The following SPIC variants were observed in gnomAD, a reference collection of about 807,000 sequenced individuals.
SPIC encodes Spi-C transcription factor.
SPIC carries 9 observed loss-of-function variants against 16.7 expected under a neutral mutation model. The observed-to-expected ratio is 0.54, with a 90% CI of 0.33 to 0.94. The LOEUF is 0.94. Among genes scored for constraint, SPIC ranks in the 40% least tolerant of loss-of-function variants. SPIC has a pLI of 0.03. For missense variants in SPIC, 241 were observed against 285.8 expected, an observed-to-expected ratio of 0.84 and a Z score of 1.13; for synonymous variants, 97 against 102.9, an observed-to-expected ratio of 0.94 and a Z score of 0.35.
Position 101,476,895 on chromosome 12 carries a change from T to C in SPIC, c.-10T>C. On this transcript the variant is annotated 5_prime_UTR_variant, in exon 2 of 6. Transcript: ENST00000551346. Reference sequence around the variant, plus strand: ...GCTAAGGAACAGAATTGTCAATTTATTAATGAAATATGGTAAGCTGACATT... The same window carrying C: ...GCTAAGGAACAGAATTGTCAATTTACTAATGAAATATGGTAAGCTGACATT... 6.9e-7 allele frequency: 1 copy of C among 1,447,532 alleles called. No homozygotes were observed. Among genetic ancestry groups the C allele is most frequent in the South Asian group, 1.6e-5 (1 of 62,516 alleles). 89.7% of individuals were successfully genotyped at this position (1,447,532 alleles called of 1,614,324 possible).
intron 1 of SPIC, 24 bp downstream of exon 1, chr12:101,475,526 C>G (rs561169694): frequency 1.2e-4 from 19 of 152,158 alleles, no homozygotes; most frequent in African/African-American, 3.6e-4. Flanking sequence ...TTATGTTTTT[C>G]TAAATATCTT....
intron 5 of SPIC, among the ~76,000 whole-genome samples, chr12:101,483,396 A>C (rs367699711): frequency 6.6e-6 from 1 of 152,070 alleles, no homozygotes; most frequent in African/African-American, 2.4e-5. Context: ...GTCATCTCCT[A>C]TGATAACAGC....
intron 4 of SPIC, among the ~76,000 whole-genome samples, chr12:101,481,600 C>T (rs1020694612): frequency 8.7e-5 from 13 of 150,032 alleles, no homozygotes; most frequent in South Asian, 2.1e-4. Context: ...TCCTCCGCCT[C>T]CCAGGTTCAA....
intron 2 of SPIC, among the ~76,000 whole-genome samples, 155 bp downstream of exon 2, chr12:101,477,062 A>G (rs1436716304): frequency 6.6e-6 from 1 of 152,222 alleles, no homozygotes; most frequent in Non-Finnish European, 1.5e-5. Context: ...AAAGCAATTC[A>G]ATTTTAGGTC....
intron 5 of SPIC, among the ~76,000 whole-genome samples, chr12:101,485,819 T>C (rs942149966): frequency 6.6e-6 from 1 of 152,230 alleles, no homozygotes; most frequent in Admixed American, 6.5e-5. Context: ...ATTCTCGCTC[T>C]GTTGCCCAGG....
At chr12:101,479,211 A>AGAAAGAAAGAAAGAAG (rs1873071612) in intron 3 of SPIC, among the ~76,000 whole-genome samples, 1 of 127,096 alleles carries the variant, frequency 7.9e-6, no homozygotes, top group Non-Finnish European at 1.7e-5. Context: ...AAAGAAAGAA[A>AGAAAGAAAGAAAGAAG]GAAAGAAAGA....
chr12:101,479,210 AAGAAAGAAAGAAGG>A (rs1565831079), intron 3 of SPIC, among the ~76,000 whole-genome samples: 20 of 131,214 alleles, frequency 1.5e-4, no homozygotes, highest in African/African-American at 5.7e-4. Context: ...GAAAGAAAGA[AAGAAAGAAAGAAGG>A]AAAGAAAGAA....
At chr12:101,481,027 G>T (rs190022403) in intron 4 of SPIC, among the ~76,000 whole-genome samples, 3 of 152,244 alleles carry the variant, frequency 2.0e-5, no homozygotes, top group Non-Finnish European at 4.4e-5. Context: ...CTCCTTGCCT[G>T]CTGGTCAGCC....
chr12:101,478,033 C>CTTTT (rs71091502), intron 3 of SPIC, among the ~76,000 whole-genome samples: 3 of 137,714 alleles, frequency 2.2e-5, no homozygotes, highest in Admixed American at 7.3e-5. Context: ...TTTCTTTTTT[C>CTTTT]TTTTTTTTTT....
intron 3 of SPIC, 31 bp downstream of exon 3, chr12:101,477,682 G>C: frequency 6.4e-7 from 1 of 1,571,386 alleles, no homozygotes. Context: ...CTCTTCTGCT[G>C]GTACATCAAA....
At position 101,479,571 on chromosome 12, in the gene SPIC, T is replaced by C; in HGVS notation, c.98-11T>C. On this transcript the variant is annotated splice_polypyrimidine_tract_variant and intron_variant, in intron 3 of 5. Transcript: ENST00000551346. ...TGACTTTTTTAGTTTCTTTCTCTGA[T>C]TTAAAATTAGATTACAGAAATTACC... is the stretch of plus-strand genomic sequence containing the variant. The C allele has an allele frequency of 2.5e-6, 4 of 1,605,730 alleles. No homozygotes were observed. The highest frequency in any genetic ancestry group is 3.4e-6 in the Non-Finnish European group (4 of 1,174,832).
chr12:101,484,167 T>C (rs1873292808), intron 5 of SPIC, among the ~76,000 whole-genome samples: 1 of 150,370 alleles, frequency 6.7e-6, no homozygotes, highest in African/African-American at 2.4e-5. Flanking sequence ...AATTTTCACA[T>C]ATACAAGTAT....
Position 101,486,741 on chromosome 12 carries a change from T to C in SPIC, c.717T>C (p.Asn239=). The change falls in exon 6 of 6, where the codon AAT becomes AAC. Residue 239 remains asparagine, a synonymous_variant. Transcript: ENST00000551346. ...CAAATTATAATTATACATATGCCAA[T>C]TACCATGAGCTAAATCACCATGATT... ...WNANYNYTYA[N]YHELNHHDC The C allele has an allele frequency of 6.3e-7, 1 of 1,588,840 alleles. No homozygotes were observed.
intron 4 of SPIC, among the ~76,000 whole-genome samples, chr12:101,479,943 A>G (rs1209305614): frequency 6.6e-6 from 1 of 151,618 alleles, no homozygotes; most frequent in African/African-American, 2.4e-5. Context: ...CAGCCTCCCA[A>G]GTAGCTGGGG....
intron 4 of SPIC, among the ~76,000 whole-genome samples, chr12:101,481,490 CCCA>C (rs1331708011): frequency 6.6e-6 from 1 of 150,400 alleles, no homozygotes; most frequent in Non-Finnish European, 1.5e-5. Context: ...ATTACAGGTG[CCCA>C]CCACCACCCA....
chr12:101,475,981 T>C (rs921424693), intron 1 of SPIC, among the ~76,000 whole-genome samples: 7 of 152,196 alleles, frequency 4.6e-5, no homozygotes, highest in African/African-American at 1.7e-4. Flanking sequence ...TATATAATAT[T>C]GGCATTAGAT....
Position 101,477,547 on chromosome 12 carries a change from T to C in SPIC, c.4-11T>C, listed in dbSNP as rs1332530501. 1.9e-6 allele frequency: 3 copies of C among 1,613,036 alleles called. No homozygotes were observed. The highest frequency in any genetic ancestry group is 2.5e-6 in the Non-Finnish European group (3 of 1,179,172). On this transcript the variant is annotated splice_polypyrimidine_tract_variant and intron_variant, in intron 2 of 5. Transcript: ENST00000551346. ...TTCGAAAACTCCAGAATTCTATCAT[T>C]GTTCCAACAGACGTGTGTTGAACAA...
chr12:101,477,567 G>T lies in SPIC; in HGVS notation c.13G>T (p.Glu5Ter). 1 of 1,614,054 alleles carries T rather than the reference G, an allele frequency of 6.2e-7. No homozygotes were observed. Among genetic ancestry groups the T allele is most frequent in the South Asian group, 1.1e-5 (1 of 91,052 alleles). MTCV[E>*]QDKLGQAFED... ...ATCATTGTTCCAACAGACGTGTGTT[G>T]AACAAGACAAGCTGGGTCAAGCATT... The change falls in exon 3 of 6, where the codon GAA becomes TAA. Residue 5 changes from glutamate (E) to a stop codon, truncating the protein, a stop_gained. Coordinates refer to ENST00000551346, the MANE Select transcript of SPIC (RefSeq NM_152323.3). LOFTEE classifies it high-confidence loss of function.
chr12:101,482,066 A>C (rs1209208597), intron 4 of SPIC, among the ~76,000 whole-genome samples: 10 of 143,920 alleles, frequency 6.9e-5, no homozygotes, highest in Non-Finnish European at 1.5e-4. Flanking sequence ...AACATGGAGA[A>C]ACCCCATCTC....
Sources: allele counts gnomAD v4.1 joint callset (sites outside exome capture counted in the v4.1 genomes callset), GRCh38; gene constraint gnomAD v4.1.1; transcripts MANE v1.5; gene names NCBI Gene and HGNC (gene_info 2026-07-23, HGNC 2026-07-21).